NRL: variants seen among roughly 807,000 people sequenced by gnomAD.
NRL encodes neural retina-specific leucine zipper protein.
In NRL, 16 loss-of-function variants were observed where a neutral mutation model predicts 12.5. That is an observed-to-expected ratio of 1.28 (90% CI 0.87 to 1.95). The LOEUF (loss-of-function observed/expected upper bound fraction) is 1.95, where lower values mean the gene tolerates loss of function less well. Ranked by LOEUF, NRL falls within the 30% of genes most tolerant of loss-of-function variation. The probability of loss-of-function intolerance (pLI) is 0.00; values close to 1 mark genes in which losing one functional copy is unlikely to be tolerated. For missense variants in NRL, 314 were observed against 325.8 expected, an observed-to-expected ratio of 0.96 and a Z score of 0.28; for synonymous variants, 142 against 150.9, an observed-to-expected ratio of 0.94 and a Z score of 0.43.
Position 24,094,152 on chromosome 14 carries a change from A to T in NRL, c.-27-11277T>A. On this transcript the variant is annotated intron_variant, in intron 1 of 2. Coordinates refer to ENST00000561028, the MANE Select transcript of NRL (RefSeq NM_001354768.3). The surrounding 1 kb of genome is among the most constrained non-coding windows in gnomAD (Gnocchi z 4.1). ...GAGATGGGTTTGGCGGTTTGGAGGC[A>T]GGGGTTGGGGCGGCGGCTGGGCTGA... 3.7e-6 allele frequency: 2 copies of T among 544,364 alleles called. No homozygotes were observed. Among genetic ancestry groups the T allele is most frequent in the Non-Finnish European group, 3.2e-6 (1 of 311,572 alleles). The allele number at this position is 544,364 out of a possible 1,614,324, so 33.7% of individuals were successfully genotyped here.
chr14:24,081,963 C>T lies in NRL; in HGVS notation c.382-395G>A, dbSNP rs1177069786. The stretch of plus-strand genomic sequence containing the variant: ...CGTTTCCCTGTCCTGAAGCCTGCAA[C>T]CCGGTGACCCTCACAGGATTTGGAT... On this transcript the variant is annotated intron_variant, in intron 2 of 2. Coordinates refer to ENST00000561028, the MANE Select transcript of NRL (RefSeq NM_001354768.3). This position sits in a 1 kb window ranked among gnomAD's most constrained non-coding sequence, Gnocchi z 4.4. The T allele has an allele frequency of 8.2e-7, 1 of 1,226,310 alleles. No homozygotes were observed. Among genetic ancestry groups the T allele is most frequent in the Non-Finnish European group, 1.0e-6 (1 of 971,836 alleles). 76.0% of individuals were successfully genotyped at this position (1,226,310 alleles called of 1,614,324 possible). A position where few individuals can be genotyped will look rare whatever the true frequency, so the allele number is the denominator to read the frequency against.
At chr14:24,098,068 G>A (rs1321567482) in intron 1 of NRL, 1 of 705,566 alleles carries the variant, frequency 1.4e-6, no homozygotes, top group African/African-American at 1.8e-5. Flanking sequence ...CTGGAGGAAG[G>A]GACTGAGATG....
At chr14:24,102,844 G>A in intron 1 of NRL, 8 of 1,614,018 alleles carry the variant, frequency 5.0e-6, no homozygotes, top group Non-Finnish European at 5.9e-6. Context: ...AGGCCCCAGA[G>A]GGTGTCCCCA....
intron 1 of NRL, among the ~76,000 whole-genome samples, chr14:24,097,376 C>A (rs2036933919): frequency 6.7e-6 from 1 of 149,470 alleles, no homozygotes; most frequent in South Asian, 2.1e-4. Flanking sequence ...CATGGAGAAA[C>A]CCCGTCTCTA....
chr14:24,101,674 G>A (rs2037166929), intron 1 of NRL, among the ~76,000 whole-genome samples: 1 of 152,218 alleles, frequency 6.6e-6, no homozygotes, highest in South Asian at 2.1e-4. Flanking sequence ...TGTAATCCCA[G>A]CACTTTGGGA....
In NRL at chr14:24,094,802, C is replaced by A. The variant is rs531510941; in HGVS notation, c.-27-11927G>T. The A allele has an allele frequency of 7.4e-7, 1 of 1,354,882 alleles. No individual in the cohort carries two copies. The highest frequency in any genetic ancestry group is 9.7e-7 in the Non-Finnish European group (1 of 1,031,740). 83.9% of individuals were successfully genotyped at this position (1,354,882 alleles called of 1,614,324 possible). A position where few individuals can be genotyped will look rare whatever the true frequency, so the allele number is the denominator to read the frequency against. ...GGACCTCTAACGGGCTCTCAGCCAG[C>A]GCCCCAGGGTACTTCGAGAGGCAGC... On this transcript the variant is annotated intron_variant, in intron 1 of 2. Coordinates refer to ENST00000561028, the MANE Select transcript of NRL (RefSeq NM_001354768.3). The surrounding 1 kb of genome is among the most constrained non-coding windows in gnomAD (Gnocchi z 4.1).
At position 24,084,966 on chromosome 14, in the gene NRL, C is replaced by G. The variant is rs555848901; in HGVS notation, c.-27-2091G>C. Among the ~76,000 whole-genome samples, 5 of 152,252 alleles carry G rather than the reference C, an allele frequency of 3.3e-5. No homozygotes were observed. In the South Asian group the frequency reaches 8.3e-4, roughly 25 times the overall value. Reference sequence around the variant, plus strand: ...TAGCCTGGGATTGGAAAAAGAGGACCAGACAAACTCCCAGCACCCCCACCT... The same window carrying G: ...TAGCCTGGGATTGGAAAAAGAGGACGAGACAAACTCCCAGCACCCCCACCT... On this transcript the variant is annotated intron_variant, in intron 1 of 2. Transcript: ENST00000561028.
chr14:24,096,402 C>G (rs1389616047), intron 1 of NRL, among the ~76,000 whole-genome samples: 1 of 151,982 alleles, frequency 6.6e-6, no homozygotes, highest in Non-Finnish European at 1.5e-5. Context: ...CCACATCCGG[C>G]TAATTTTTAT....
intron 1 of NRL, among the ~76,000 whole-genome samples, chr14:24,093,705 GA>G (rs1319830030): frequency 6.6e-6 from 1 of 152,100 alleles, no homozygotes; most frequent in Non-Finnish European, 1.5e-5. Flanking sequence ...TGTGCCGGGG[GA>G]GGAGAATGAC....
Position 24,085,962 on chromosome 14 carries a change from A to G in NRL, c.-27-3087T>C, listed in dbSNP as rs762256496. Among the ~76,000 whole-genome samples the G allele has an allele frequency of 8.5e-5, 13 of 152,252 alleles. No individual in the cohort carries two copies. The highest frequency in any genetic ancestry group is 1.6e-4 in the Non-Finnish European group (11 of 68,046). ...AGTTTAAAGGCCAGGCACGCCTGTAATCCCAGCATTTTGGGAGGCCAAGGT... is the reference window on the plus strand; with the variant it reads ...AGTTTAAAGGCCAGGCACGCCTGTAGTCCCAGCATTTTGGGAGGCCAAGGT... On this transcript the variant is annotated intron_variant, in intron 1 of 2. Transcript: ENST00000561028. This position sits in a 1 kb window ranked among gnomAD's most constrained non-coding sequence, Gnocchi z 4.1.
rs377500005 is a variant in NRL at position 24,103,651 on chromosome 14, G to A, written c.-28+11071C>T. ...ATCTTCCATGTCAACTGGTTCCGGC[G>A]TGACGAGGCAGGGCACTTCCTGTGG... On this transcript the variant is annotated intron_variant, in intron 1 of 2. Coordinates refer to ENST00000561028, the MANE Select transcript of NRL (RefSeq NM_001354768.3). 26 of 1,614,088 alleles carry A rather than the reference G, an allele frequency of 1.6e-5. No individual in the cohort carries two copies. The Admixed American group carries it at 2.0e-4, about 12-fold the overall frequency.
intron 1 of NRL, among the ~76,000 whole-genome samples, chr14:24,093,780 G>A (rs892645104): frequency 5.9e-5 from 9 of 152,188 alleles, no homozygotes; most frequent in Non-Finnish European, 1.5e-5. Context: ...TGGCAAGGCA[G>A]AAAGGAGCCT....
At chr14:24,093,502 A>AC (rs1159016232) in intron 1 of NRL, 1 of 152,150 alleles carries the variant, frequency 6.6e-6, no homozygotes, top group African/African-American at 2.4e-5. Context: ...GCATGGAGAA[A>AC]CCCCGTCTTT....
At chr14:24,103,725 T>C in intron 1 of NRL, 2 of 1,613,896 alleles carry the variant, frequency 1.2e-6, no homozygotes, top group East Asian at 4.5e-5. Context: ...CTGCCGGCGG[T>C]TAGAGGGGGA....
intron 1 of NRL, among the ~76,000 whole-genome samples, chr14:24,086,377 G>T (rs1019828687): frequency 1.3e-5 from 2 of 152,176 alleles, no homozygotes; most frequent in Non-Finnish European, 2.9e-5. Context: ...TAGATCAGAT[G>T]ACATCACTCT....
intron 1 of NRL, chr14:24,084,755 G>T: frequency 1.0e-6 from 1 of 972,148 alleles, no homozygotes; most frequent in Non-Finnish European, 1.2e-6. Flanking sequence ...CCTGGGGTTG[G>T]GGGAAATGGA....
chr14:24,096,946 G>A (rs1183140368), intron 1 of NRL: 1 of 1,613,708 alleles, frequency 6.2e-7, no homozygotes, highest in Admixed American at 1.7e-5. Flanking sequence ...GTAGCATCCA[G>A]ACCCTGCGAG....
At position 24,081,608 on chromosome 14, in the gene NRL, C is replaced by G. The variant is rs1357602369; in HGVS notation, c.382-40G>C. The G allele has an allele frequency of 1.9e-6, 3 of 1,556,348 alleles. No individual in the cohort carries two copies. The highest frequency in any genetic ancestry group is 1.9e-5 in the Admixed American group (1 of 51,758). Reference sequence around the variant, plus strand: ...TGCAGAAACCGGGTCAGCGCCAGGTCGCACCCGGCTCTGCCCTGAGGGCCC... The same window carrying G: ...TGCAGAAACCGGGTCAGCGCCAGGTGGCACCCGGCTCTGCCCTGAGGGCCC... On this transcript the variant is annotated intron_variant, in intron 2 of 2. Transcript: ENST00000561028. The surrounding 1 kb of genome is among the most constrained non-coding windows in gnomAD (Gnocchi z 4.4).
chr14:24,091,106 G>A (rs1238800325), intron 1 of NRL, among the ~76,000 whole-genome samples: 1 of 149,384 alleles, frequency 6.7e-6, no homozygotes, highest in Non-Finnish European at 1.5e-5. Context: ...TCTAAGGGAC[G>A]AACAGAAAAG....
Sources: gnomAD v4.1 joint callset for allele counts (sites outside exome capture counted in the v4.1 genomes callset) on GRCh38, gnomAD v4.1.1 for gene constraint, Gnocchi (gnomAD v3.1) non-coding constraint, MANE v1.5 for transcripts, NCBI Gene and HGNC (gene_info 2026-07-23, HGNC 2026-07-21) for gene names.